Variants in SLC22A25 observed in about 807,000 individuals in gnomAD.
SLC22A25 encodes solute carrier family 22 member 25, also known as MGI:2442751, MGI:2385316, MGI:3042283, MGI:3645714, MGI:3605624, MGI:2442750.
A neutral mutation model predicts 45.9 loss-of-function variants in SLC22A25; 44 were observed. That is an observed-to-expected ratio of 0.96 (90% CI 0.75 to 1.23). The LOEUF is 1.23. Ranked by LOEUF, SLC22A25 falls within the 50% of genes most tolerant of loss-of-function variation. The pLI is 0.00. For missense variants in SLC22A25, 800 were observed against 666.4 expected (o/e 1.20, Z -2.21); for synonymous variants, 283 against 238.6 (o/e 1.19, Z -1.72).
intron 5 of SLC22A25, among the ~76,000 whole-genome samples, chr11:63,228,033 G>A (rs372899957): frequency 4.7e-4 from 72 of 152,340 alleles, no homozygotes; most frequent in Admixed American, 1.6e-3. Flanking sequence ...AGCAATTCAA[G>A]ACTGTCTTTC....
chr11:63,177,850 TAA>T (rs2088155324), intron 9 of SLC22A25, among the ~76,000 whole-genome samples: 1 of 10,274 alleles, frequency 9.7e-5, no homozygotes, highest in Non-Finnish European at 2.1e-4. Flanking sequence ...TATATATATA[TAA>T]TGTATATATA....
At position 63,228,577 on chromosome 11, in the gene SLC22A25, G is replaced by A. The variant is rs1292568167; in HGVS notation, c.403-13C>T. 3.1e-6 allele frequency: 5 copies of A among 1,594,980 alleles called. No individual in the cohort carries two copies. In the African/African-American group the frequency reaches 6.7e-5, roughly 22 times the overall value. ...ATACCAGATCCCACTGGAAGAAAAG[G>A]AAACCCTCATATCAATGCTTATAGC... On this transcript the variant is annotated splice_polypyrimidine_tract_variant and intron_variant, in intron 4 of 11. Coordinates refer to ENST00000306494, the MANE Select transcript of SLC22A25 (RefSeq NM_199352.6).
rs1350931888 is a variant in SLC22A25 at position 63,208,798 on chromosome 11, G to A, written c.830+8516C>T. 2.6e-5 allele frequency among the ~76,000 whole-genome samples: 4 copies of A among 152,198 alleles called. No homozygotes were observed. In the East Asian group the frequency reaches 5.8e-4, roughly 22 times the overall value. On this transcript the variant is annotated intron_variant, in intron 7 of 11. Coordinates refer to ENST00000306494, the MANE Select transcript of SLC22A25 (RefSeq NM_199352.6). ...ACTAGGATGCTGCATATGGCTGATAGGACCAGCTTCATGGCCAGCTTCATG... is the reference window on the plus strand; with the variant it reads ...ACTAGGATGCTGCATATGGCTGATAAGACCAGCTTCATGGCCAGCTTCATG...
chr11:63,179,200 G>A (rs983773570), intron 9 of SLC22A25, among the ~76,000 whole-genome samples: 33 of 152,060 alleles, frequency 2.2e-4, no homozygotes, highest in Non-Finnish European at 2.8e-4. Context: ...CAGGTGATCC[G>A]CCTGCCTCAG....
rs553142256 is a variant in SLC22A25 at position 63,201,637 on chromosome 11, C to T, written c.830+15677G>A. 2.0e-5 allele frequency among the ~76,000 whole-genome samples: 3 copies of T among 152,128 alleles called. No individual in the cohort carries two copies. The East Asian group carries it at 5.8e-4, about 29-fold the overall frequency. ...ATAAAAACACCCAAAGCAATTGCAACCAAAGCAAAAATTGACAAATGGCAT... is the reference window on the plus strand; with the variant it reads ...ATAAAAACACCCAAAGCAATTGCAATCAAAGCAAAAATTGACAAATGGCAT... On this transcript the variant is annotated intron_variant, in intron 7 of 11. Transcript: ENST00000306494.
rs2087566816 is a variant in SLC22A25, at chr11:63,163,282, A to G, written c.*542T>C. Among the ~76,000 whole-genome samples, 1 of 152,214 alleles carries G rather than the reference A, an allele frequency of 6.6e-6. No homozygotes were observed. Among genetic ancestry groups the G allele is most frequent in the African/African-American group, 2.4e-5 (1 of 41,452 alleles). On this transcript the variant is annotated 3_prime_UTR_variant, in exon 12 of 12. Transcript: ENST00000306494. ...AACCTTTTCTCATTCTTCATTACTT[A>G]AAAAATTCCTTTACTTATCACTTCT... is the stretch of plus-strand genomic sequence containing the variant.
At position 63,218,218 on chromosome 11, in the gene SLC22A25, C is replaced by T. The variant is rs577617408; in HGVS notation, c.507-483G>A. On this transcript the variant is annotated intron_variant, in intron 5 of 11. Coordinates refer to ENST00000306494, the MANE Select transcript of SLC22A25 (RefSeq NM_199352.6). ...GCAGCAACATGGATGCAGATGGAGG[C>T]CATTTTCCTAAGTGAATTAATGTAG... The T allele has an allele frequency of 7.3e-5, 27 of 370,686 alleles. No individual in the cohort carries two copies. In the East Asian group the frequency reaches 1.8e-3, roughly 25 times the overall value. The allele number at this position is 370,686 out of a possible 1,614,324, so 23.0% of individuals were successfully genotyped here.
chr11:63,225,077 T>TG (rs1373253846), intron 5 of SLC22A25, among the ~76,000 whole-genome samples: 3 of 152,126 alleles, frequency 2.0e-5, no homozygotes, highest in Non-Finnish European at 4.4e-5. Context: ...CCAGCCTGGG[T>TG]GACAGAGCAA....
chr11:63,193,277 G>A (rs2088879208), intron 7 of SLC22A25, among the ~76,000 whole-genome samples: 2 of 152,172 alleles, frequency 1.3e-5, no homozygotes, highest in African/African-American at 4.8e-5. Flanking sequence ...GAGCTTTTAA[G>A]AGAGCAGTGG....
At chr11:63,226,586 C>G (rs2089966492) in intron 5 of SLC22A25, among the ~76,000 whole-genome samples, 1 of 152,192 alleles carries the variant, frequency 6.6e-6, no homozygotes, top group Admixed American at 6.5e-5. Flanking sequence ...TGTCCTGGGT[C>G]AGACCTGAAG....
Position 63,163,872 on chromosome 11 carries a change from A to C in SLC22A25, c.1596T>G (p.Asn532Lys). 1 of 1,613,770 alleles carries C rather than the reference A, an allele frequency of 6.2e-7. No homozygotes were observed. Among genetic ancestry groups the C allele is most frequent in the Non-Finnish European group, 8.5e-7 (1 of 1,179,858 alleles). The change falls in exon 12 of 12, where the codon AAT becomes AAG. Residue 532 changes from asparagine (N) to lysine (K), a missense_variant. Asn to Lys is a moderately conservative substitution (Grantham distance 94). Coordinates refer to ENST00000306494, the MANE Select transcript of SLC22A25 (RefSeq NM_199352.6). ...GGGCAGCTAGGCTATTTACTCCCTC[A>C]TTTTCCACATCCTGGATGCTGTCAA... ...PLLDSIQDVE[N>K]EGVNSLAAPQ...
Position 63,243,508 on chromosome 11 carries a change from G to A in SLC22A25, c.-1070C>T. ...TCCTGGGTGCTGTCTGCATGTTCCT[G>A]GCCTCCAGGCTCAAAGAGTCCAGCC... On this transcript the variant is annotated 5_prime_UTR_variant, in exon 1 of 12. Transcript: ENST00000306494. The A allele has an allele frequency of 1.3e-6, 1 of 762,082 alleles. No homozygotes were observed. Among genetic ancestry groups the A allele is most frequent in the Non-Finnish European group, 2.5e-6 (1 of 407,306 alleles). 47.2% of individuals were successfully genotyped at this position (762,082 alleles called of 1,614,324 possible).
intron 7 of SLC22A25, among the ~76,000 whole-genome samples, chr11:63,197,560 T>C (rs1158561384): frequency 4.6e-5 from 7 of 152,132 alleles, no homozygotes; most frequent in African/African-American, 1.7e-4. Flanking sequence ...TTACACCTTA[T>C]ACAAAAATTA....
chr11:63,212,491 A>T (rs1330625857), intron 7 of SLC22A25, among the ~76,000 whole-genome samples: 5 of 152,170 alleles, frequency 3.3e-5, no homozygotes, highest in Non-Finnish European at 7.3e-5. Context: ...GCAGCCATAA[A>T]AAATTATGAG....
At chr11:63,192,673 A>G (rs1175185429) in intron 7 of SLC22A25, among the ~76,000 whole-genome samples, 1 of 152,184 alleles carries the variant, frequency 6.6e-6, no homozygotes, top group Non-Finnish European at 1.5e-5. Context: ...AGGCAGAAAA[A>G]CCAGGGGTTG....
intron 5 of SLC22A25, chr11:63,220,021 C>T (rs776061046): frequency 1.6e-6 from 2 of 1,289,058 alleles, no homozygotes; most frequent in Non-Finnish European, 2.0e-6. Flanking sequence ...ATAATGGTTT[C>T]CTGCCATTTC....
At chr11:63,186,532 G>C (rs1305866041) in intron 7 of SLC22A25, among the ~76,000 whole-genome samples, 1 of 151,958 alleles carries the variant, frequency 6.6e-6, no homozygotes, top group African/African-American at 2.4e-5. Flanking sequence ...TTGCTGTGCA[G>C]AAGCTCTTTA....
chr11:63,197,265 C>A (rs1477659959), intron 7 of SLC22A25, among the ~76,000 whole-genome samples: 1 of 152,108 alleles, frequency 6.6e-6, no homozygotes, highest in Non-Finnish European at 1.5e-5. Context: ...CTTTAAAGCT[C>A]ATATGGAACC....
chr11:63,193,255 G>A (rs1462709228), intron 7 of SLC22A25, among the ~76,000 whole-genome samples: 2 of 152,186 alleles, frequency 1.3e-5, no homozygotes, highest in Non-Finnish European at 2.9e-5. Context: ...GGTGATTTCT[G>A]TATATCCAAC....
Sources: gnomAD v4.1 joint callset for allele counts (sites outside exome capture counted in the v4.1 genomes callset) on GRCh38, gnomAD v4.1.1 for gene constraint, MANE v1.5 for transcripts, NCBI Gene and HGNC (gene_info 2026-07-23, HGNC 2026-07-21) for gene names.